Variants in ARHGEF3 observed in about 807,000 individuals in gnomAD.
The protein encoded by ARHGEF3 is 59.8 kDA protein.
Under a neutral mutation model 63.2 loss-of-function variants are expected in ARHGEF3, and 28 were observed. That is an observed-to-expected ratio of 0.44 (90% CI 0.33 to 0.61). The LOEUF (loss-of-function observed/expected upper bound fraction) is 0.61. Among genes scored for constraint, ARHGEF3 ranks in the 20% least tolerant of loss-of-function variants. ARHGEF3 has a pLI of 0.03. For missense variants in ARHGEF3, 533 were observed against 659.3 expected (o/e 0.81, Z 2.10); for synonymous variants, 266 against 254.2 (o/e 1.05, Z -0.44).
chr3:56,829,098 G>A (rs1458355428), intron 4 of ARHGEF3, among the ~76,000 whole-genome samples: 1 of 151,944 alleles, frequency 6.6e-6, no homozygotes, highest in African/African-American at 2.4e-5. Context: ...GCTAAGTTTT[G>A]TATTTTTAGT....
At chr3:56,731,859 T>A (rs973134916) in intron 9 of ARHGEF3, 5 of 364,340 alleles carry the variant, frequency 1.4e-5, no homozygotes, top group African/African-American at 2.1e-5. Context: ...GTTTACCAGT[T>A]CAGCTGCAAA....
chr3:56,821,783 G>A (rs924022372), intron 4 of ARHGEF3, among the ~76,000 whole-genome samples: 1 of 152,134 alleles, frequency 6.6e-6, no homozygotes, highest in Non-Finnish European at 1.5e-5. Flanking sequence ...GGCCAACATT[G>A]TGAAACCTTG....
intron 4 of ARHGEF3, among the ~76,000 whole-genome samples, chr3:56,835,268 T>A (rs2039071360): frequency 6.6e-6 from 1 of 150,808 alleles, no homozygotes; most frequent in Non-Finnish European, 1.5e-5. Context: ...CTCTGTCTCC[T>A]GGGTTCAAGC....
intron 2 of ARHGEF3, among the ~76,000 whole-genome samples, chr3:57,006,990 C>T (rs546187837): frequency 1.3e-5 from 2 of 152,294 alleles, no homozygotes; most frequent in East Asian, 3.9e-4. Context: ...AGAATTTGGG[C>T]TGCTGGTTCT....
chr3:57,017,049 C>CAG (rs1703048570), intron 2 of ARHGEF3, among the ~76,000 whole-genome samples: 2 of 151,378 alleles, frequency 1.3e-5, no homozygotes, highest in African/African-American at 4.8e-5. Flanking sequence ...CACACACACA[C>CAG]ACACACACAC....
At chr3:56,937,441 A>C (rs529116207) in intron 3 of ARHGEF3, among the ~76,000 whole-genome samples, 2 of 152,362 alleles carry the variant, frequency 1.3e-5, no homozygotes, top group South Asian at 4.1e-4. Flanking sequence ...AAATACATAA[A>C]GCAAATGTTA....
intron 4 of ARHGEF3, among the ~76,000 whole-genome samples, chr3:56,832,693 C>T (rs2038970368): frequency 6.6e-6 from 1 of 152,166 alleles, no homozygotes; most frequent in Non-Finnish European, 1.5e-5. Context: ...ATTCACAATG[C>T]TGTACAGCCA....
At chr3:57,052,077 C>T (rs1704697260) in intron 1 of ARHGEF3, among the ~76,000 whole-genome samples, 2 of 152,166 alleles carry the variant, frequency 1.3e-5, no homozygotes, top group African/African-American at 4.8e-5. Flanking sequence ...TAAAGCCACA[C>T]AACAACCCAA....
intron 2 of ARHGEF3, among the ~76,000 whole-genome samples, chr3:57,004,085 T>C (rs1702371483): frequency 6.6e-6 from 1 of 152,140 alleles, no homozygotes; most frequent in African/African-American, 2.4e-5. Flanking sequence ...GCAGAGAAGC[T>C]ACCACCTGCT....
chr3:56,883,026 G>C (rs997823450), intron 3 of ARHGEF3, among the ~76,000 whole-genome samples: 4 of 152,154 alleles, frequency 2.6e-5, no homozygotes, highest in Non-Finnish European at 5.9e-5. Context: ...GATTAGATTG[G>C]AAAGAAAATC....
rs371221361 is a variant in ARHGEF3, at chr3:56,732,331, T to C, written c.1135A>G (p.Ile379Val). 5 of 1,614,100 alleles carry C rather than the reference T, an allele frequency of 3.1e-6. No homozygotes were observed. Among genetic ancestry groups the C allele is most frequent in the Non-Finnish European group, 4.2e-6 (5 of 1,180,048 alleles). Residue 379 changes from isoleucine (I) to valine (V), a missense_variant, in exon 9 of 10, where the codon ATC becomes GTC. By Grantham distance (29) the Ile-to-Val change is conservative. This residue lies in a region of ARHGEF3 where 151 missense variants were observed against 190.7 expected (regional missense o/e 0.79). Coordinates refer to ENST00000296315, the MANE Select transcript of ARHGEF3 (RefSeq NM_019555.3). ...TCCAGCAGGAGGTCTTTCACGGGGA[T>C]TGGCTGACGGTACAGCTGGTAGCAA... ...QLCYQLYRQP[I>V]PVKDLLLEDL...
intron 4 of ARHGEF3, among the ~76,000 whole-genome samples, chr3:56,817,301 G>T (rs1247418702): frequency 6.6e-6 from 1 of 152,144 alleles, no homozygotes; most frequent in African/African-American, 2.4e-5. Flanking sequence ...GTTTATTATG[G>T]TCCCAAACAG....
At chr3:56,889,663 C>G (rs1273687210) in intron 3 of ARHGEF3, among the ~76,000 whole-genome samples, 2 of 152,212 alleles carry the variant, frequency 1.3e-5, no homozygotes, top group Non-Finnish European at 2.9e-5. Context: ...ACTGCCAAAC[C>G]ACTGACCTCT....
Position 56,819,015 on chromosome 3 carries a change from T to C in ARHGEF3, c.193-45199A>G, listed in dbSNP as rs2038370599. 2.6e-5 allele frequency among the ~76,000 whole-genome samples: 4 copies of C among 152,324 alleles called. 1 individual carries two copies. In the South Asian group the frequency reaches 8.3e-4, roughly 32 times the overall value. On this transcript the variant is annotated intron_variant, in intron 4 of 12. Transcript: ENST00000338458. Reference sequence around the variant, plus strand: ...TGTCTGAGCTGCCAAAGTCTCCATCTAGAGATACTGACAGCAACAATAAAC... The same window carrying C: ...TGTCTGAGCTGCCAAAGTCTCCATCCAGAGATACTGACAGCAACAATAAAC...
intron 1 of ARHGEF3, among the ~76,000 whole-genome samples, chr3:57,045,097 T>A (rs905342250): frequency 6.6e-6 from 1 of 152,072 alleles, no homozygotes; most frequent in Non-Finnish European, 1.5e-5. Flanking sequence ...TGAAACCTCA[T>A]CTCTACTAAA....
At chr3:57,073,679 T>C in intron 1 of ARHGEF3, 2 of 1,599,758 alleles carry the variant, frequency 1.3e-6, no homozygotes. Context: ...AGAATTCTGT[T>C]TTTGACTTGG....
intron 3 of ARHGEF3, among the ~76,000 whole-genome samples, chr3:56,919,482 A>T (rs1382216245): frequency 6.6e-6 from 1 of 152,020 alleles, no homozygotes; most frequent in Non-Finnish European, 1.5e-5. Context: ...CACATTTTTG[A>T]CCTCTTACTG....
At chr3:56,818,919 GA>G (rs1434034167) in intron 4 of ARHGEF3, among the ~76,000 whole-genome samples, 1 of 152,042 alleles carries the variant, frequency 6.6e-6, no homozygotes, top group Non-Finnish European at 1.5e-5. Flanking sequence ...AGAAGGTAAC[GA>G]AAAAAACTAT....
chr3:56,965,771 C>A, intron 2 of ARHGEF3, among the ~76,000 whole-genome samples: 1 of 151,746 alleles, frequency 6.6e-6, no homozygotes, highest in African/African-American at 2.4e-5. Context: ...GCCTCAGCCT[C>A]CTGAGTAGCT....
Sources: allele counts gnomAD v4.1 joint callset (sites outside exome capture counted in the v4.1 genomes callset), GRCh38; gene constraint gnomAD v4.1.1; regional missense constraint gnomAD v4.1.1; transcripts MANE v1.5; gene names NCBI Gene and HGNC (gene_info 2026-07-23, HGNC 2026-07-21).